The following LRRTM4 variants were observed in gnomAD, a reference collection of about 807,000 sequenced individuals.
LRRTM4 encodes the protein leucine rich repeat transmembrane neuronal 4.
A neutral mutation model predicts 47.6 loss-of-function variants in LRRTM4; 25 were observed. The ratio of observed to expected loss-of-function variants is 0.53; its 90% CI spans 0.38 to 0.73. The LOEUF (loss-of-function observed/expected upper bound fraction) is 0.73. LRRTM4 is among the 30% of genes least tolerant of loss of function. LRRTM4 has a pLI of 0.00. For synonymous variants in LRRTM4, 311 were observed against 269.5 expected (o/e 1.15, Z -1.51); for missense variants, 638 against 713.4 (o/e 0.89, Z 1.20).
At chr2:76,916,246 G>T (rs1674240293) in intron 3 of LRRTM4, among the ~76,000 whole-genome samples, 2 of 151,640 alleles carry the variant, frequency 1.3e-5, no homozygotes, top group East Asian at 1.9e-4. Flanking sequence ...TTAGCCGGGC[G>T]TGTTGGCGGG....
intron 3 of LRRTM4, among the ~76,000 whole-genome samples, chr2:77,243,700 C>T (rs1049387253): frequency 7.3e-5 from 11 of 151,610 alleles, no homozygotes; most frequent in East Asian, 1.9e-4. Flanking sequence ...TTTTCTTATG[C>T]GTATTTTTCC....
intron 3 of LRRTM4, among the ~76,000 whole-genome samples, chr2:77,019,405 T>A (rs1482984435): frequency 6.6e-6 from 1 of 152,012 alleles, no homozygotes; most frequent in African/African-American, 2.4e-5. Context: ...TCAGTCAGAA[T>A]CATGAGGTTT....
At chr2:77,411,660 C>T (rs1211209282) in intron 3 of LRRTM4, among the ~76,000 whole-genome samples, 3 of 111,988 alleles carry the variant, frequency 2.7e-5, no homozygotes, top group Middle Eastern at 6.6e-3. Flanking sequence ...TTAGTAGAGA[C>T]GGGTTTTCAC....
At chr2:77,325,651 C>T (rs182797640) in intron 3 of LRRTM4, among the ~76,000 whole-genome samples, 2 of 152,110 alleles carry the variant, frequency 1.3e-5, no homozygotes, top group Admixed American at 1.3e-4. Flanking sequence ...AGTGTGGGAA[C>T]TTTACCCTTT....
At chr2:77,089,784 T>G (rs945826585) in intron 3 of LRRTM4, among the ~76,000 whole-genome samples, 4 of 152,154 alleles carry the variant, frequency 2.6e-5, no homozygotes, top group Non-Finnish European at 4.4e-5. Flanking sequence ...TCGACAGTAG[T>G]TCCAAATAGC....
chr2:77,350,399 T>G (rs1480796816), intron 3 of LRRTM4, among the ~76,000 whole-genome samples: 1 of 148,860 alleles, frequency 6.7e-6, no homozygotes, highest in South Asian at 2.1e-4. Flanking sequence ...AATATGAATT[T>G]AGAAAAAATT....
chr2:77,188,057 T>TAAAAA (rs1482371722), intron 3 of LRRTM4, among the ~76,000 whole-genome samples: 2 of 152,170 alleles, frequency 1.3e-5, no homozygotes, highest in Non-Finnish European at 2.9e-5. Context: ...TTCTTAAAAA[T>TAAAAA]TAGTGTGATG....
intron 3 of LRRTM4, among the ~76,000 whole-genome samples, chr2:77,293,419 C>A (rs141785061): frequency 9.9e-5 from 15 of 152,096 alleles, no homozygotes; most frequent in African/African-American, 1.2e-4. Context: ...ATGAACAAAG[C>A]GGACAGTTTT....
At chr2:77,166,158 C>T (rs750468064) in intron 3 of LRRTM4, among the ~76,000 whole-genome samples, 2 of 152,134 alleles carry the variant, frequency 1.3e-5, no homozygotes, top group Non-Finnish European at 2.9e-5. Context: ...TTCCTATACA[C>T]CAATGACAGA....
chr2:77,124,037 T>G (rs747082617), intron 3 of LRRTM4, among the ~76,000 whole-genome samples: 7 of 152,102 alleles, frequency 4.6e-5, no homozygotes, highest in Non-Finnish European at 1.0e-4. Context: ...GGATCAGTAA[T>G]GTGTGTTTGT....
At chr2:76,978,786 T>A (rs1483984708) in intron 3 of LRRTM4, among the ~76,000 whole-genome samples, 1 of 151,986 alleles carries the variant, frequency 6.6e-6, no homozygotes. Context: ...AAATGGGAAA[T>A]CTGGGGATGT....
At chr2:76,944,613 GAA>G (rs1162538498) in intron 3 of LRRTM4, among the ~76,000 whole-genome samples, 1 of 152,076 alleles carries the variant, frequency 6.6e-6, no homozygotes, top group Non-Finnish European at 1.5e-5. Flanking sequence ...TCTATAGAGA[GAA>G]ATTACTGGGG....
rs561341579 is a variant in LRRTM4 at position 77,074,657 on chromosome 2, G to A, written c.1552-325741C>T. On this transcript the variant is annotated intron_variant, in intron 3 of 3. Transcript: ENST00000409884. ...TTATAGTCTACTACAAGGAGAAAAA[G>A]AAGTACTGATTTTGGACAGAGAGAA... Among the ~76,000 whole-genome samples the A allele has an allele frequency of 1.2e-4, 18 of 152,188 alleles. No homozygotes were observed. In the South Asian group the frequency reaches 2.7e-3, roughly 23 times the overall value.
intron 3 of LRRTM4, among the ~76,000 whole-genome samples, chr2:76,951,638 A>T (rs1675499004): frequency 6.6e-6 from 1 of 151,936 alleles, no homozygotes; most frequent in Admixed American, 6.6e-5. Context: ...CTTTTACTTT[A>T]ACTTCTGGGA....
intron 3 of LRRTM4, among the ~76,000 whole-genome samples, chr2:76,967,837 G>C (rs1341336142): frequency 1.3e-5 from 2 of 150,814 alleles, no homozygotes; most frequent in African/African-American, 4.9e-5. Context: ...ATCACAACTT[G>C]TAAATACTCA....
At chr2:77,398,950 G>A (rs73941276) in intron 3 of LRRTM4, among the ~76,000 whole-genome samples, 4,406 of 151,820 alleles carry the variant, frequency 0.029, 218 homozygotes, top group African/African-American at 0.1. Context: ...GAGGTTGGTA[G>A]GGGGAAGGTA....
In LRRTM4 at chr2:77,495,696, T is replaced by G. The variant is rs532782394; in HGVS notation, c.1551+22622A>C. ...TTGTCAAAGATCAGTTGTCCATATA[T>G]GTGTGGGTTATTTTTGGATTCTCTG... is the stretch of plus-strand genomic sequence containing the variant. On this transcript the variant is annotated intron_variant, in intron 3 of 3. Transcript: ENST00000409884. Among the ~76,000 whole-genome samples the G allele has an allele frequency of 1.3e-4, 20 of 152,136 alleles. No individual in the cohort carries two copies. The South Asian group carries it at 3.9e-3, about 30-fold the overall frequency.
At chr2:76,839,452 A>G (rs544939130) in intron 3 of LRRTM4, among the ~76,000 whole-genome samples, 5 of 152,272 alleles carry the variant, frequency 3.3e-5, no homozygotes, top group African/African-American at 7.2e-5. Flanking sequence ...TACTTTTGCT[A>G]TATAGTAATT....
At chr2:77,511,380 G>T (rs1678982353) in intron 3 of LRRTM4, among the ~76,000 whole-genome samples, 1 of 151,714 alleles carries the variant, frequency 6.6e-6, no homozygotes, top group South Asian at 2.1e-4. Flanking sequence ...ATCGTATATA[G>T]CTGTTTAAAT....
Sources: allele counts gnomAD v4.1 joint callset (sites outside exome capture counted in the v4.1 genomes callset), GRCh38; gene constraint gnomAD v4.1.1; transcripts MANE v1.5; gene names NCBI Gene and HGNC (gene_info 2026-07-23, HGNC 2026-07-21).